GHR: variants seen among roughly 807,000 people sequenced by gnomAD.
GHR encodes growth hormone receptor.
A neutral mutation model predicts 67.1 loss-of-function variants in GHR; 35 were observed. The observed-to-expected ratio is 0.52, with a 90% CI of 0.40 to 0.69. The LOEUF (loss-of-function observed/expected upper bound fraction) is 0.69, where lower values mean the gene tolerates loss of function less well. Among genes scored for constraint, GHR ranks in the 30% least tolerant of loss-of-function variants. The pLI is 0.00. For synonymous variants in GHR, 272 were observed against 269.1 expected (o/e 1.01, Z -0.10); for missense variants, 792 against 764.6 (o/e 1.04, Z -0.42).
chr5:42,576,048 A>AAATAAAGTAAAG, intron 2 of GHR, among the ~76,000 whole-genome samples: 1 of 54,398 alleles, frequency 1.8e-5, no homozygotes, highest in African/African-American at 1.4e-4. Context: ...AATTAAAATA[A>AAATAAAGTAAAG]TAAAATAAAA....
intron 6 of GHR, among the ~76,000 whole-genome samples, chr5:42,705,326 C>T (rs537116704): frequency 9.9e-5 from 15 of 152,104 alleles, no homozygotes; most frequent in South Asian, 6.2e-4. Flanking sequence ...GCTCTTAGAA[C>T]GACTTTTACT....
rs117877246 is a variant in GHR, at chr5:42,569,233, T to C, written c.70+3289T>C. Among the ~76,000 whole-genome samples the C allele has an allele frequency of 1.4e-3, 206 of 152,336 alleles. 5 individuals carry two copies. In the East Asian group the frequency reaches 0.035, roughly 26 times the overall value. ...GATATGAGATGTCTATGGACAACAA[T>C]TCATTCACTTACTGTGCTAGTCAAT... is the stretch of plus-strand genomic sequence containing the variant. On this transcript the variant is annotated intron_variant, in intron 2 of 9. Coordinates refer to ENST00000230882, the MANE Select transcript of GHR (RefSeq NM_000163.5).
chr5:42,545,035 A>T (rs2112392329), intron 1 of GHR, among the ~76,000 whole-genome samples: 1 of 152,242 alleles, frequency 6.6e-6, no homozygotes, highest in African/African-American at 2.4e-5. Context: ...GATCTGTTCT[A>T]CTATGCCCAG....
At chr5:42,695,337 A>C (rs1757624070) in intron 5 of GHR, among the ~76,000 whole-genome samples, 1 of 152,188 alleles carries the variant, frequency 6.6e-6, no homozygotes, top group African/African-American at 2.4e-5. Flanking sequence ...AACCTTGTGG[A>C]GTCTTTTCCT....
intron 8 of GHR, among the ~76,000 whole-genome samples, chr5:42,716,757 T>G (rs1294158697): frequency 1.3e-5 from 2 of 152,186 alleles, no homozygotes. Context: ...CTTAATGCAA[T>G]TTATAAAATG....
chr5:42,680,484 A>G (rs1352006388), intron 3 of GHR, among the ~76,000 whole-genome samples: 1 of 151,318 alleles, frequency 6.6e-6, no homozygotes, highest in African/African-American at 2.4e-5. Context: ...TTTTATTAAG[A>G]TAAATTAATT....
intron 3 of GHR, among the ~76,000 whole-genome samples, chr5:42,687,538 C>T (rs1004428439): frequency 2.6e-5 from 4 of 152,050 alleles, no homozygotes; most frequent in African/African-American, 4.8e-5. Context: ...ACAAAATTTG[C>T]GTTTAATAAT....
At position 42,614,653 on chromosome 5, in the gene GHR, A is replaced by G. The variant is rs558270854; in HGVS notation, c.71-14385A>G. 1.6e-4 allele frequency among the ~76,000 whole-genome samples: 24 copies of G among 149,442 alleles called. No homozygotes were observed. In the East Asian group the frequency reaches 2.6e-3, roughly 16 times the overall value. Reference sequence around the variant, plus strand: ...AATTCCAAGGAAATAATGACTAAAGAAAAATACTGCTGTTTCAACATTTCT... The same window carrying G: ...AATTCCAAGGAAATAATGACTAAAGGAAAATACTGCTGTTTCAACATTTCT... On this transcript the variant is annotated intron_variant, in intron 2 of 9. Transcript: ENST00000230882.
At chr5:42,599,696 A>G (rs1390351505) in intron 2 of GHR, among the ~76,000 whole-genome samples, 3 of 152,166 alleles carry the variant, frequency 2.0e-5, no homozygotes, top group Non-Finnish European at 4.4e-5. Context: ...TGAATTGGTT[A>G]TTTTTAAAAA....
chr5:42,566,706 T>C (rs999410042), intron 2 of GHR, among the ~76,000 whole-genome samples: 2 of 151,924 alleles, frequency 1.3e-5, no homozygotes, highest in African/African-American at 4.8e-5. Flanking sequence ...ATGTTTTTCC[T>C]TGCCTGGGCT....
chr5:42,465,374 G>A (rs1744680553), intron 1 of GHR: 1 of 1,009,482 alleles, frequency 9.9e-7, no homozygotes, highest in South Asian at 1.4e-5. Flanking sequence ...GTTAGGTTAA[G>A]GGTATAAAGG....
chr5:42,445,872 C>T (rs1743786864), intron 1 of GHR, among the ~76,000 whole-genome samples: 1 of 152,028 alleles, frequency 6.6e-6, no homozygotes, highest in South Asian at 2.1e-4. Flanking sequence ...ATTGAAGTGC[C>T]AGGGAATAAC....
intron 3 of GHR, among the ~76,000 whole-genome samples, chr5:42,649,709 C>G (rs998525054): frequency 1.3e-5 from 2 of 152,100 alleles, no homozygotes; most frequent in African/African-American, 2.4e-5. Flanking sequence ...AAAAGAACAT[C>G]CAGGATAACT....
At position 42,719,139 on chromosome 5, in the gene GHR, C is replaced by T. The variant is rs201163683; in HGVS notation, c.1632C>T (p.Ile544=). The T allele has an allele frequency of 1.5e-5, 24 of 1,614,086 alleles. No individual in the cohort carries two copies. The highest frequency in any genetic ancestry group is 1.6e-4 in the Middle Eastern group (1 of 6,062). ...YFCEADAKKC[I]PVAPHIKVES... ...GTGAGGCAGATGCCAAAAAGTGCAT[C>T]CCTGTGGCTCCTCACATCAAGGTTG... The change falls in exon 10 of 10, where the codon ATC becomes ATT. Residue 544 remains isoleucine (I), a synonymous_variant. Coordinates refer to ENST00000230882, the MANE Select transcript of GHR (RefSeq NM_000163.5).
chr5:42,694,547 T>C (rs1388366780), intron 4 of GHR, among the ~76,000 whole-genome samples: 2 of 152,168 alleles, frequency 1.3e-5, no homozygotes, highest in African/African-American at 2.4e-5. Context: ...ATCTCTAGTT[T>C]GGGGGTGATT....
intron 1 of GHR, among the ~76,000 whole-genome samples, chr5:42,469,620 A>T (rs1437519104): frequency 2.0e-5 from 3 of 152,160 alleles, no homozygotes; most frequent in African/African-American, 7.2e-5. Context: ...TTCCCCTGAC[A>T]GCAGGACCAG....
At chr5:42,660,003 T>C (rs879387460) in intron 3 of GHR, among the ~76,000 whole-genome samples, 1 of 152,066 alleles carries the variant, frequency 6.6e-6, no homozygotes, top group Admixed American at 6.5e-5. Context: ...GTCTCGCTGA[T>C]TGCTAGCACA....
intron 3 of GHR, among the ~76,000 whole-genome samples, chr5:42,629,754 A>G (rs1305306835): frequency 7.6e-6 from 1 of 131,478 alleles, no homozygotes; most frequent in Non-Finnish European, 1.6e-5. Flanking sequence ...AGGAAATGAT[A>G]CATCATGGAT....
intron 1 of GHR, chr5:42,468,115 G>T (rs1181407100): frequency 1.4e-5 from 17 of 1,191,696 alleles, no homozygotes; most frequent in Non-Finnish European, 3.7e-6. Flanking sequence ...GTAACTGAAG[G>T]TTCTTGGTTT....
Sources: gnomAD v4.1 joint callset for allele counts (sites outside exome capture counted in the v4.1 genomes callset) on GRCh38, gnomAD v4.1.1 for gene constraint, MANE v1.5 for transcripts, NCBI Gene and HGNC (gene_info 2026-07-23, HGNC 2026-07-21) for gene names.